The following CSMD1 variants were observed in gnomAD, a reference collection of about 807,000 sequenced individuals.
CSMD1 encodes the protein CUB and sushi domain-containing protein 1.
CSMD1 carries 213 observed loss-of-function variants against 417.5 expected under a neutral mutation model. The ratio of observed to expected loss-of-function variants is 0.51; its 90% CI spans 0.46 to 0.57. CSMD1 has a LOEUF of 0.57. Among genes scored for constraint, CSMD1 ranks in the 20% least tolerant of loss-of-function variants. CSMD1 has a pLI of 0.00. For synonymous variants in CSMD1, 2,862 were observed against 1,736.8 expected (o/e 1.65, Z -16.11); for missense variants, 6,923 against 4,529.7 (o/e 1.53, Z -15.17).
At chr8:3,358,966 G>C (rs1267430673) in intron 21 of CSMD1, among the ~76,000 whole-genome samples, 186 bp downstream of exon 21, 2 of 152,160 alleles carry the variant, frequency 1.3e-5, no homozygotes, top group South Asian at 4.2e-4. Flanking sequence ...CTTTATAGAT[G>C]AGCTAATTCA....
intron 1 of CSMD1, among the ~76,000 whole-genome samples, chr8:4,740,856 G>A (rs570499631): frequency 9.9e-5 from 15 of 152,236 alleles, no homozygotes; most frequent in East Asian, 1.9e-4. Flanking sequence ...GAACTTTAAC[G>A]AACTTCTTCC....
intron 1 of CSMD1, among the ~76,000 whole-genome samples, chr8:4,847,661 C>A (rs1003565704): frequency 2.0e-5 from 3 of 152,034 alleles, no homozygotes; most frequent in Non-Finnish European, 4.4e-5. Context: ...GACATGGTTT[C>A]TCCTTAAGCT....
chr8:3,712,740 T>G (rs1395619146), intron 6 of CSMD1, among the ~76,000 whole-genome samples: 1 of 152,190 alleles, frequency 6.6e-6, no homozygotes, highest in Non-Finnish European at 1.5e-5. Flanking sequence ...ATAACTTCAA[T>G]GCACGCCAAA....
intron 3 of CSMD1, among the ~76,000 whole-genome samples, chr8:4,180,048 T>C (rs1241767819): frequency 3.3e-5 from 5 of 152,076 alleles, no homozygotes; most frequent in South Asian, 2.1e-4. Context: ...GAACTGGAAA[T>C]ACCATTTGAC....
chr8:4,878,109 C>G (rs191269266), intron 1 of CSMD1, among the ~76,000 whole-genome samples: 1 of 152,040 alleles, frequency 6.6e-6, no homozygotes, highest in South Asian at 2.1e-4. Flanking sequence ...TAACCCTCAG[C>G]GTGTTCTGTT....
At chr8:4,722,189 T>A (rs757944223) in intron 1 of CSMD1, among the ~76,000 whole-genome samples, 2 of 152,124 alleles carry the variant, frequency 1.3e-5, no homozygotes, top group African/African-American at 2.4e-5. Context: ...ATGCTGACTA[T>A]GGGAGGTGAT....
intron 1 of CSMD1, among the ~76,000 whole-genome samples, chr8:4,818,923 G>C (rs1281731443): frequency 6.6e-6 from 1 of 152,142 alleles, no homozygotes; most frequent in Non-Finnish European, 1.5e-5. Flanking sequence ...GTTTGGAAAT[G>C]GGTTTCTGAT....
chr8:4,117,173 A>T (rs78377605), intron 3 of CSMD1, among the ~76,000 whole-genome samples: 1 of 151,732 alleles, frequency 6.6e-6, no homozygotes, highest in Admixed American at 6.6e-5. Context: ...TTATCTGAGT[A>T]TTATTCATCT....
chr8:3,238,410 T>G (rs575076850), intron 26 of CSMD1, among the ~76,000 whole-genome samples: 1 of 152,242 alleles, frequency 6.6e-6, no homozygotes, highest in East Asian at 1.9e-4. Context: ...CTGAAAGTCC[T>G]GTTTTCTTAT....
At chr8:4,831,280 T>C (rs1800134713) in intron 1 of CSMD1, among the ~76,000 whole-genome samples, 1 of 152,198 alleles carries the variant, frequency 6.6e-6, no homozygotes, top group East Asian at 1.9e-4. Context: ...AAATTAGTGC[T>C]CCACTGGGAG....
intron 3 of CSMD1, among the ~76,000 whole-genome samples, chr8:4,314,148 C>G (rs1798791933): frequency 1.3e-5 from 2 of 152,038 alleles, no homozygotes; most frequent in African/African-American, 4.8e-5. Flanking sequence ...GTCAACACAT[C>G]CGAAGTCTAA....
intron 6 of CSMD1, among the ~76,000 whole-genome samples, chr8:3,731,588 A>G (rs961728066): frequency 8.5e-5 from 13 of 152,328 alleles, no homozygotes; most frequent in African/African-American, 3.1e-4. Context: ...GGTTTTTGAA[A>G]GTGATATGAA....
chr8:4,769,135 G>C (rs186715075), intron 1 of CSMD1, among the ~76,000 whole-genome samples: 367 of 152,270 alleles, frequency 2.4e-3, no homozygotes, highest in African/African-American at 8.4e-3. Flanking sequence ...CTATGACCTT[G>C]ACCATTTATT....
At chr8:4,063,093 T>C (rs188919724) in intron 3 of CSMD1, among the ~76,000 whole-genome samples, 1 of 152,304 alleles carries the variant, frequency 6.6e-6, no homozygotes, top group Non-Finnish European at 1.5e-5. Flanking sequence ...TAATGTTTGA[T>C]AGCACTGTAA....
chr8:4,041,977 A>T (rs1435108192), intron 3 of CSMD1, among the ~76,000 whole-genome samples: 1 of 152,196 alleles, frequency 6.6e-6, no homozygotes, highest in Non-Finnish European at 1.5e-5. Context: ...AAGAAAAAAG[A>T]AAGATTTCCA....
rs57380680 is a variant in CSMD1 at position 4,770,379 on chromosome 8, C to T, written c.86-132821G>A. Among the ~76,000 whole-genome samples the T allele has an allele frequency of 6.2e-3, 921 of 147,650 alleles. 10 individuals carry two copies. Among genetic ancestry groups the T allele is most frequent in the African/African-American group, 0.014 (565 of 40,536 alleles). On this transcript the variant is annotated intron_variant, in intron 1 of 69. Transcript: ENST00000635120. ...TAAGCTATTATATATATATGTAGTACGTAATTAAGCTTTTATATATTATAT... is the reference window on the plus strand; with the variant it reads ...TAAGCTATTATATATATATGTAGTATGTAATTAAGCTTTTATATATTATAT...
intron 3 of CSMD1, among the ~76,000 whole-genome samples, chr8:4,271,414 G>A (rs1247835553): frequency 1.3e-5 from 2 of 152,102 alleles, no homozygotes; most frequent in Non-Finnish European, 2.9e-5. Flanking sequence ...CTGATGCCCT[G>A]TTTGAAATGT....
intron 1 of CSMD1, chr8:4,787,459 C>T: frequency 1.3e-6 from 1 of 790,320 alleles, no homozygotes; most frequent in Non-Finnish European, 2.2e-6. Flanking sequence ...GAAAGAATCA[C>T]CTGGAAGGAA....
In CSMD1 at chr8:4,576,395, T is replaced by G. The variant is rs1268911106; in HGVS notation, c.302+60947A>C. ...TTGGCCAAGACCTTCCCCTGTCCCA[T>G]TCCCCAGACTAGATTACCTCTTCTT... On this transcript the variant is annotated intron_variant, in intron 2 of 69. Transcript: ENST00000635120. Among the ~76,000 whole-genome samples, 40 of 152,382 alleles carry G rather than the reference T, an allele frequency of 2.6e-4. 1 individual carries two copies. Among genetic ancestry groups the G allele is most frequent in the Admixed American group, 2.5e-3 (39 of 15,304 alleles).
Sources: allele counts gnomAD v4.1 joint callset (sites outside exome capture counted in the v4.1 genomes callset), GRCh38; gene constraint gnomAD v4.1.1; transcripts MANE v1.5; gene names NCBI Gene and HGNC (gene_info 2026-07-23, HGNC 2026-07-21).